The following CTXND1 variants were observed in gnomAD, a reference collection of about 807,000 sequenced individuals.
CTXND1 encodes the protein cortexin domain containing 1.
At chr15:80,224,834 C>T (rs1449884171) in intron 1 of CTXND1, among the ~76,000 whole-genome samples, 1 of 152,192 alleles carries the variant, frequency 6.6e-6, no homozygotes, top group Non-Finnish European at 1.5e-5. Flanking sequence ...ACCTCTGCCT[C>T]CTGGATTCAA....
chr15:80,240,280 A>C (rs1567135134), intron 1 of CTXND1, among the ~76,000 whole-genome samples: 1 of 152,114 alleles, frequency 6.6e-6, no homozygotes, highest in East Asian at 1.9e-4. Flanking sequence ...TACTTTATTA[A>C]GGGGGGTCCC....
chr15:80,202,967 T>A (rs1236844953), intron 2 of CTXND1, among the ~76,000 whole-genome samples: 3 of 152,226 alleles, frequency 2.0e-5, no homozygotes, highest in Non-Finnish European at 4.4e-5. Context: ...TGGGATGATT[T>A]GCAACTTCTC....
chr15:80,246,774 G>C (rs1185389973), intron 1 of CTXND1, among the ~76,000 whole-genome samples: 1 of 152,182 alleles, frequency 6.6e-6, no homozygotes, highest in African/African-American at 2.4e-5. Context: ...AAAAATGTCT[G>C]TTATCAGCTC....
rs2041416470 is a variant in CTXND1 at position 80,195,635 on chromosome 15, C to T, written c.*6135G>A. The stretch of plus-strand genomic sequence containing the variant: ...AAGAGAGAAAAGAGGACCAAACACC[C>T]CCTTCATAACAAACCCACTCTTGAG... On this transcript the variant is annotated 3_prime_UTR_variant, in exon 3 of 3. Coordinates refer to ENST00000560778, the MANE Select transcript of CTXND1 (RefSeq NM_001352888.2). 6.6e-6 allele frequency: 1 copy of T among 152,156 alleles called. No homozygotes were observed. Among genetic ancestry groups the T allele is most frequent in the African/African-American group, 2.4e-5 (1 of 41,432 alleles). The allele number at this position is 152,156 out of a possible 1,614,324, so 9.4% of individuals were successfully genotyped here.
intron 1 of CTXND1, among the ~76,000 whole-genome samples, chr15:80,213,919 G>C (rs1251776760): frequency 6.6e-6 from 1 of 151,964 alleles, no homozygotes; most frequent in Admixed American, 6.6e-5. Context: ...ATTGCTTGAA[G>C]AGTTACCTCT....
chr15:80,238,486 G>GTTTTTTTT (rs1325767977), intron 1 of CTXND1, among the ~76,000 whole-genome samples: 1 of 133,630 alleles, frequency 7.5e-6, no homozygotes. Context: ...AACCATGTTT[G>GTTTTTTTT]TTTTTTTTTT....
chr15:80,209,770 T>C (rs1595904177), intron 1 of CTXND1, among the ~76,000 whole-genome samples: 1 of 152,158 alleles, frequency 6.6e-6, no homozygotes, highest in East Asian at 1.9e-4. Context: ...TATGTACAAA[T>C]TTGTGTACCA....
chr15:80,233,868 G>A (rs1893460858), intron 1 of CTXND1, among the ~76,000 whole-genome samples: 1 of 152,242 alleles, frequency 6.6e-6, no homozygotes, highest in Non-Finnish European at 1.5e-5. Context: ...TAACAGGACA[G>A]ATGACACGTT....
At chr15:80,225,636 C>CA (rs1234911533) in intron 1 of CTXND1, among the ~76,000 whole-genome samples, 1 of 152,180 alleles carries the variant, frequency 6.6e-6, no homozygotes, top group Non-Finnish European at 1.5e-5. Context: ...TGCTGCTACT[C>CA]ACTGCTTCTA....
intron 1 of CTXND1, among the ~76,000 whole-genome samples, chr15:80,241,307 G>A (rs1893563631): frequency 3.9e-5 from 6 of 152,088 alleles, no homozygotes; most frequent in Admixed American, 3.9e-4. Flanking sequence ...TTCCTTTCCT[G>A]CCTCCTGTTC....
In CTXND1 at chr15:80,213,182, T is replaced by C. The variant is rs1033891845; in HGVS notation, c.-217-9442A>G. Among the ~76,000 whole-genome samples, 7 of 152,212 alleles carry C rather than the reference T, an allele frequency of 4.6e-5. 1 individual carries two copies. In the East Asian group the frequency reaches 1.3e-3, roughly 29 times the overall value. On this transcript the variant is annotated intron_variant, in intron 1 of 2. Coordinates refer to ENST00000560778, the MANE Select transcript of CTXND1 (RefSeq NM_001352888.2). ...CCCAGGGTGGATCATAGCCAGAGTC[T>C]CACACATATCTAATTTAGATGATCT...
chr15:80,203,274 T>C (rs1406686217), intron 2 of CTXND1, among the ~76,000 whole-genome samples: 3 of 152,194 alleles, frequency 2.0e-5, no homozygotes. Flanking sequence ...GTTCTGTCTG[T>C]TATTTAAAGC....
intron 1 of CTXND1, among the ~76,000 whole-genome samples, chr15:80,218,998 C>A (rs530468490): frequency 7.8e-5 from 11 of 141,026 alleles, no homozygotes; most frequent in African/African-American, 2.9e-4. Flanking sequence ...GTGGTGTCAT[C>A]ATAGCTCACT....
intron 1 of CTXND1, among the ~76,000 whole-genome samples, chr15:80,239,178 G>T (rs1463698542): frequency 6.6e-6 from 1 of 152,164 alleles, no homozygotes; most frequent in Non-Finnish European, 1.5e-5. Flanking sequence ...CTTCCCACCA[G>T]CTCTGGCTTT....
chr15:80,250,355 A>G (rs1208556389), intron 1 of CTXND1, among the ~76,000 whole-genome samples: 3 of 152,160 alleles, frequency 2.0e-5, no homozygotes, highest in Non-Finnish European at 4.4e-5. Context: ...CAGGCCAATT[A>G]AAGTTCATAT....
intron 1 of CTXND1, among the ~76,000 whole-genome samples, chr15:80,242,510 C>T (rs907983381): frequency 6.6e-6 from 1 of 152,200 alleles, no homozygotes; most frequent in Non-Finnish European, 1.5e-5. Flanking sequence ...GTTCCACCTC[C>T]CCTGGAGTTT....
chr15:80,245,958 A>C lies in CTXND1; in HGVS notation c.-218+6049T>G, dbSNP rs772701056. Among the ~76,000 whole-genome samples the C allele has an allele frequency of 5.1e-4, 77 of 152,262 alleles. 1 individual carries two copies. The highest frequency in any genetic ancestry group is 1.0e-3 in the Non-Finnish European group (70 of 68,026). ...TGTAATGAAAATCAAATCAACAACA[A>C]CACCAGAAAAACACCAGGGAGACAA... On this transcript the variant is annotated intron_variant, in intron 1 of 2. Coordinates refer to ENST00000560778, the MANE Select transcript of CTXND1 (RefSeq NM_001352888.2).
At chr15:80,207,880 T>C (rs1893167089) in intron 1 of CTXND1, among the ~76,000 whole-genome samples, 1 of 152,268 alleles carries the variant, frequency 6.6e-6, no homozygotes, top group Non-Finnish European at 1.5e-5. Flanking sequence ...GCTGTTCCTT[T>C]CTTGGCATAT....
chr15:80,251,472 A>G (rs184777417), intron 1 of CTXND1, among the ~76,000 whole-genome samples: 89 of 152,320 alleles, frequency 5.8e-4, no homozygotes, highest in African/African-American at 1.9e-3. Flanking sequence ...AGTTACATTG[A>G]GAAAAAATCT....
Sources: gnomAD v4.1 joint callset for allele counts (sites outside exome capture counted in the v4.1 genomes callset) on GRCh38, gnomAD v4.1.1 for gene constraint, MANE v1.5 for transcripts, NCBI Gene and HGNC (gene_info 2026-07-23, HGNC 2026-07-21) for gene names.